Variants in GAB2 observed in about 807,000 individuals in gnomAD.
The protein encoded by GAB2 is GRB2-associated-binding protein 2.
In GAB2, 26 loss-of-function variants were observed where a neutral mutation model predicts 65.5. The ratio of observed to expected loss-of-function variants is 0.40; its 90% CI spans 0.29 to 0.55. The LOEUF is 0.55. GAB2 is among the 20% of genes least tolerant of loss of function. GAB2 has a pLI of 0.53. For synonymous variants in GAB2, 321 were observed against 329.6 expected, an observed-to-expected ratio of 0.97 and a Z score of 0.28; for missense variants, 884 against 875.8, an observed-to-expected ratio of 1.01 and a Z score of -0.12.
At chr11:78,340,196 C>T (rs1040217854) in intron 1 of GAB2, among the ~76,000 whole-genome samples, 2 of 152,152 alleles carry the variant, frequency 1.3e-5, no homozygotes, top group African/African-American at 4.8e-5. Context: ...TGCCCTAATC[C>T]TAATCAAAAC....
rs1865512436 is a variant in GAB2, at chr11:78,253,430, T to C, written c.377-3030A>G. On this transcript the variant is annotated intron_variant, in intron 2 of 9. Transcript: ENST00000361507. ...CCTTAGCCTCCGGAATAGCCAGGAA[T>C]ACAGGCATGCACCACCACGCCAGGC... is the stretch of plus-strand genomic sequence containing the variant. 3.3e-5 allele frequency among the ~76,000 whole-genome samples: 5 copies of C among 152,296 alleles called. No individual in the cohort carries two copies. In the South Asian group the frequency reaches 1.0e-3, roughly 32 times the overall value.
At chr11:78,300,975 G>A (rs1867002899) in intron 1 of GAB2, among the ~76,000 whole-genome samples, 1 of 152,138 alleles carries the variant, frequency 6.6e-6, no homozygotes, top group Non-Finnish European at 1.5e-5. Context: ...GATTACAGGT[G>A]TAAGCCACTG....
intron 1 of GAB2, among the ~76,000 whole-genome samples, chr11:78,407,543 G>C (rs979328200): frequency 2.0e-5 from 3 of 151,966 alleles, no homozygotes; most frequent in African/African-American, 7.3e-5. Flanking sequence ...TGAGGCAGGA[G>C]AATCTATTGA....
intron 1 of GAB2, among the ~76,000 whole-genome samples, chr11:78,409,547 G>A (rs7928983): frequency 0.02 from 3,058 of 152,116 alleles, 86 homozygotes; most frequent in African/African-American, 0.069. Flanking sequence ...TCATGCTATT[G>A]CACCTCCAGC....
chr11:78,391,038 G>C (rs1856827752), intron 1 of GAB2, among the ~76,000 whole-genome samples: 1 of 152,192 alleles, frequency 6.6e-6, no homozygotes, highest in South Asian at 2.1e-4. Context: ...CCTTTGAAAA[G>C]ATTCAAAGGA....
chr11:78,352,166 T>C (rs1375004719), intron 1 of GAB2, among the ~76,000 whole-genome samples: 1 of 152,206 alleles, frequency 6.6e-6, no homozygotes, highest in Admixed American at 6.5e-5. Context: ...TAAGCCGAGA[T>C]GGCGCCATTG....
chr11:78,316,514 T>C (rs866665949), intron 1 of GAB2, among the ~76,000 whole-genome samples: 1 of 152,126 alleles, frequency 6.6e-6, no homozygotes, highest in Non-Finnish European at 1.5e-5. Context: ...AAAGAAGGGA[T>C]ACAAAATGAC....
intron 2 of GAB2, chr11:78,280,393 C>T (rs893624824): frequency 5.1e-6 from 3 of 589,354 alleles, no homozygotes; most frequent in Non-Finnish European, 6.0e-6. Context: ...TTTATCACAA[C>T]CCCAACACTT....
intron 1 of GAB2, among the ~76,000 whole-genome samples, chr11:78,399,716 C>T (rs954649047): frequency 1.3e-5 from 2 of 152,190 alleles, no homozygotes; most frequent in African/African-American, 4.8e-5. Flanking sequence ...TTCAGAGTTC[C>T]TATGAATAGG....
chr11:78,298,888 C>T (rs895518335), intron 1 of GAB2, among the ~76,000 whole-genome samples: 3 of 152,180 alleles, frequency 2.0e-5, no homozygotes, highest in African/African-American at 4.8e-5. Flanking sequence ...TCCATATTTT[C>T]GTAAATATAC....
At position 78,354,491 on chromosome 11, in the gene GAB2, A is replaced by C. The variant is rs1158962249; in HGVS notation, c.75+63155T>G. Among the ~76,000 whole-genome samples, 4 of 152,156 alleles carry C rather than the reference A, an allele frequency of 2.6e-5. No individual in the cohort carries two copies. The East Asian group carries it at 5.8e-4, about 22-fold the overall frequency. On this transcript the variant is annotated intron_variant, in intron 1 of 9. Transcript: ENST00000361507. ...GAAAACTAAAATGTTCAAGAGTTAA[A>C]AAGGCTTTTGACACTGCAATGGTGG...
At chr11:78,292,479 C>G (rs1318226988) in intron 1 of GAB2, among the ~76,000 whole-genome samples, 3 of 152,210 alleles carry the variant, frequency 2.0e-5, no homozygotes, top group African/African-American at 2.4e-5. Flanking sequence ...ATATTTTCAA[C>G]TGTCAACTCT....
intron 1 of GAB2, among the ~76,000 whole-genome samples, chr11:78,323,409 C>G (rs1855763255): frequency 6.6e-6 from 1 of 151,964 alleles, no homozygotes. Flanking sequence ...ACTTGAGAGG[C>G]TGGGGCAGGA....
intron 1 of GAB2, among the ~76,000 whole-genome samples, chr11:78,321,721 A>G (rs542566991): frequency 1.3e-5 from 2 of 152,210 alleles, no homozygotes. Flanking sequence ...TGGAGGCACC[A>G]CATTAGTCAA....
chr11:78,274,002 GTT>G (rs57942137), intron 2 of GAB2, among the ~76,000 whole-genome samples: 6 of 148,060 alleles, frequency 4.1e-5, no homozygotes, highest in Admixed American at 2.7e-4. Context: ...TATTAAACCT[GTT>G]TTTTTTTTTG....
At chr11:78,329,398 C>T (rs1260883493) in intron 1 of GAB2, among the ~76,000 whole-genome samples, 1 of 152,114 alleles carries the variant, frequency 6.6e-6, no homozygotes, top group Non-Finnish European at 1.5e-5. Flanking sequence ...ATTTATGTAT[C>T]TCTCATCTGT....
At chr11:78,279,473 C>T (rs1041904494) in intron 2 of GAB2, among the ~76,000 whole-genome samples, 2 of 152,164 alleles carry the variant, frequency 1.3e-5, no homozygotes, top group Non-Finnish European at 1.5e-5. Flanking sequence ...ATAATTTACA[C>T]GCCATAAATT....
In GAB2 at chr11:78,226,715, G is replaced by A. The variant is rs1407880105; in HGVS notation, c.957C>T (p.Thr319=). ...TAGGGATCTGGTAGGCTGAGAGTGG[G>A]GTGGCCGGAACATCCATATTGTCTA... ...LLVDNMDVPA[T]PLSAYQIPRT... The change falls in exon 4 of 10, where the codon ACC becomes ACT. Residue 319 remains threonine (T), a synonymous_variant. Transcript: ENST00000361507. 6.2e-7 allele frequency: 1 copy of A among 1,613,956 alleles called. No homozygotes were observed. The highest frequency in any genetic ancestry group is 1.7e-5 in the Admixed American group (1 of 60,010).
intron 1 of GAB2, among the ~76,000 whole-genome samples, chr11:78,339,112 G>A (rs1473526148): frequency 6.6e-6 from 1 of 151,992 alleles, no homozygotes; most frequent in African/African-American, 2.4e-5. Context: ...TTTTAGTAGA[G>A]ATAGGGATTT....
Sources: gnomAD v4.1 joint callset for allele counts (sites outside exome capture counted in the v4.1 genomes callset) on GRCh38, gnomAD v4.1.1 for gene constraint, MANE v1.5 for transcripts, NCBI Gene and HGNC (gene_info 2026-07-23, HGNC 2026-07-21) for gene names.